The following WBP11 variants were observed in gnomAD, a reference collection of about 807,000 sequenced individuals.
WBP11 encodes the protein WW domain binding protein 11.
A neutral mutation model predicts 66.7 loss-of-function variants in WBP11; 12 were observed. That is an observed-to-expected ratio of 0.18 (90% confidence interval 0.12 to 0.29). The LOEUF (loss-of-function observed/expected upper bound fraction) is 0.29, where lower values mean the gene tolerates loss of function less well. Ranked by LOEUF, WBP11 falls within the 10% of genes least tolerant of loss-of-function variation. The pLI is 1.00. For missense variants in WBP11, 555 were observed against 818.3 expected (o/e 0.68, Z 3.93); for synonymous variants, 255 against 273.8 (o/e 0.93, Z 0.68).
Position 14,787,515 on chromosome 12 carries a change from G to C in WBP11, c.1493-17C>G, listed in dbSNP as rs779800983. On this transcript the variant is annotated splice_polypyrimidine_tract_variant and intron_variant, in intron 11 of 11. Transcript: ENST00000261167. ...GAGGAATACCTAAATGAATAAAATA[G>C]GCAAGATGAATACTGTAAGAACTAA... is the stretch of plus-strand genomic sequence containing the variant. 2.8e-5 allele frequency: 42 copies of C among 1,485,526 alleles called. No homozygotes were observed. The highest frequency in any genetic ancestry group is 3.7e-5 in the Non-Finnish European group (41 of 1,115,208). The allele number at this position is 1,485,526 out of a possible 1,614,324, so 92.0% of individuals were successfully genotyped here.
intron 7 of WBP11, 107 bp downstream of exon 7, chr12:14,794,430 A>G: frequency 8.2e-7 from 1 of 1,218,578 alleles, no homozygotes; most frequent in East Asian, 2.3e-5. Flanking sequence ...TATGTACATG[A>G]TACCCTCTCA....
rs186538957 is a variant in WBP11, at chr12:14,788,700, A to G, written c.1492+251T>C. ...AGATGCATGAAACGGCTTCGTAACT[A>G]CAACTAAAACCAAAAAATTATCAAA... On this transcript the variant is annotated intron_variant, in intron 11 of 11. Coordinates refer to ENST00000261167, the MANE Select transcript of WBP11 (RefSeq NM_016312.3). 5.1e-3 allele frequency among the ~76,000 whole-genome samples: 781 copies of G among 152,358 alleles called. 8 individuals carry two copies. The highest frequency in any genetic ancestry group is 8.4e-3 in the Non-Finnish European group (572 of 68,036).
chr12:14,799,611 A>G, intron 4 of WBP11, 24 bp downstream of exon 4: 1 of 1,608,180 alleles, frequency 6.2e-7, no homozygotes, highest in Non-Finnish European at 8.5e-7. Context: ...AGACTGTTAT[A>G]GCTGCCTGTT....
At chr12:14,800,669 G>T in intron 3 of WBP11, 83 bp downstream of exon 3, 1 of 1,253,092 alleles carries the variant, frequency 8.0e-7, no homozygotes. Flanking sequence ...TATTAGAAAT[G>T]TTATTCTGAA....
chr12:14,800,770 C>T lies in WBP11; in HGVS notation c.78G>A (p.Arg26=), dbSNP rs1949953178. ...NPTDQARKEA[R]KRELKKNKKQ... ...ATCATACCTTCTTTAATTCTCTCTT[C>T]CGGGCTTCCTTTCCTTTAAAAGGAG... Residue 26 remains arginine (R), a synonymous_variant, in exon 3 of 12, where the codon CGG becomes CGA. Transcript: ENST00000261167. 1.9e-6 allele frequency: 3 copies of T among 1,606,472 alleles called. No individual in the cohort carries two copies. Among genetic ancestry groups the T allele is most frequent in the South Asian group, 1.1e-5 (1 of 90,194 alleles).
intron 8 of WBP11, among the ~76,000 whole-genome samples, chr12:14,792,275 A>T (rs894096026): frequency 5.6e-5 from 6 of 106,556 alleles, no homozygotes; most frequent in Admixed American, 2.5e-4. Context: ...ATTTATGATT[A>T]AAAAAAACCT....
intron 1 of WBP11, among the ~76,000 whole-genome samples, chr12:14,802,690 G>C (rs908889510): frequency 1.1e-4 from 17 of 151,230 alleles, no homozygotes; most frequent in Non-Finnish European, 2.2e-4. Flanking sequence ...GAAAAACTGG[G>C]GATGGGGGGG....
In WBP11 at chr12:14,796,843, C is replaced by G. The variant is rs1949900070; in HGVS notation, c.351G>C (p.Lys117Asn). 1 of 1,608,124 alleles carries G rather than the reference C, an allele frequency of 6.2e-7. No homozygotes were observed. ...LRKLEVEYEQ[K>N]RAQLSQYFDA... ...CAAAATATTGGCTAAGTTGAGCCCT[C>G]TTCTGTTCATATTCTACTTCTAGCT... The change falls in exon 5 of 12, where the codon AAG (lysine) becomes AAC (asparagine). Residue 117 changes from lysine (K) to asparagine (N), a missense_variant. Lys to Asn is a moderately conservative substitution (Grantham distance 94). Coordinates refer to ENST00000261167, the MANE Select transcript of WBP11 (RefSeq NM_016312.3). The surrounding 1 kb of genome is among the most constrained non-coding windows in gnomAD (Gnocchi z 4.5).
chr12:14,787,227 C>G lies in WBP11; in HGVS notation c.1764G>C (p.Glu588Asp). Residue 588 changes from glutamate to aspartate, a missense_variant, in exon 12 of 12, where the codon GAG (glutamate) becomes GAC (aspartate). By Grantham distance (45) the Glu-to-Asp change is conservative. This residue lies in a region of WBP11 where 50 missense variants were observed against 68.3 expected (regional missense o/e 0.73). Coordinates refer to ENST00000261167, the MANE Select transcript of WBP11 (RefSeq NM_016312.3). ...GGGGAGCAGCAGTAGCCCCTTTATT[C>G]TCCCGACGTACTCTCAGTGCAGTGG... ...FVPTALRVRR[E>D]NKGATAAPQR... The G allele has an allele frequency of 6.2e-7, 1 of 1,614,190 alleles. No homozygotes were observed. The highest frequency in any genetic ancestry group is 1.3e-5 in the African/African-American group (1 of 75,032).
rs764811732 is a variant in WBP11, at chr12:14,790,481, T to G, written c.1284A>C (p.Thr428=). The part of the protein sequence containing the change: ...APPLRPPGPP[T]GLPPGPPPGA... Reference sequence around the variant, plus strand: ...CTGGAGGTGGACCAGGAGGAAGGCCTGTAGGTGGCCCAGGAGGCCGTAATG... The same window carrying G: ...CTGGAGGTGGACCAGGAGGAAGGCCGGTAGGTGGCCCAGGAGGCCGTAATG... The change falls in exon 10 of 12, where the codon ACA becomes ACC. Residue 428 remains threonine (T), a synonymous_variant. Transcript: ENST00000261167. 6.2e-7 allele frequency: 1 copy of G among 1,613,922 alleles called. No homozygotes were observed. The highest frequency in any genetic ancestry group is 1.1e-5 in the South Asian group (1 of 91,072).
At chr12:14,787,576 G>A in intron 11 of WBP11, 78 bp from the exon 12 acceptor site, 3 of 1,292,370 alleles carry the variant, frequency 2.3e-6, no homozygotes, top group African/African-American at 1.5e-5. Context: ...TTTAAATATT[G>A]GTTGCCAATT....
rs1949757885 is a variant in WBP11, at chr12:14,786,713, A to C, written c.*352T>G. On this transcript the variant is annotated 3_prime_UTR_variant, in exon 12 of 12. Transcript: ENST00000261167. Reference sequence around the variant, plus strand: ...AAATAAACTGTTTTTTTTTCTCCAGAAATCTCTACTCCAGTGCCCACAGCA... The same window carrying C: ...AAATAAACTGTTTTTTTTTCTCCAGCAATCTCTACTCCAGTGCCCACAGCA... The C allele has an allele frequency of 5.7e-6, 1 of 175,182 alleles. No individual in the cohort carries two copies. The highest frequency in any genetic ancestry group is 6.1e-5 in the Admixed American group (1 of 16,286). 10.9% of individuals were successfully genotyped at this position (175,182 alleles called of 1,614,324 possible).
chr12:14,784,595 A>T lies in WBP11; in HGVS notation c.*2470T>A, dbSNP rs761889270. 6.6e-5 allele frequency: 10 copies of T among 152,218 alleles called. No homozygotes were observed. The highest frequency in any genetic ancestry group is 1.5e-4 in the Non-Finnish European group (10 of 68,044). 9.4% of individuals were successfully genotyped at this position (152,218 alleles called of 1,614,324 possible). A position where few individuals can be genotyped will look rare whatever the true frequency, so the allele number is the denominator to read the frequency against. Reference sequence around the variant, plus strand: ...ACCCTTCCCAGCTATATATAAGGAGATATTTTAATCAAGAGCACAAACAAG... The same window carrying T: ...ACCCTTCCCAGCTATATATAAGGAGTTATTTTAATCAAGAGCACAAACAAG... On this transcript the variant is annotated 3_prime_UTR_variant, in exon 12 of 12. Coordinates refer to ENST00000261167, the MANE Select transcript of WBP11 (RefSeq NM_016312.3).
intron 11 of WBP11, among the ~76,000 whole-genome samples, chr12:14,788,493 C>T (rs1949781882): frequency 6.6e-6 from 1 of 151,330 alleles, no homozygotes; most frequent in South Asian, 2.1e-4. Flanking sequence ...GAAAAAAAGC[C>T]CCAGCTGGGG....
chr12:14,802,666 T>G (rs1247762641), intron 1 of WBP11, among the ~76,000 whole-genome samples: 3 of 131,102 alleles, frequency 2.3e-5, no homozygotes, highest in African/African-American at 2.9e-5. Flanking sequence ...CCCTGTCAAG[T>G]GGTTTCCTTC....
intron 7 of WBP11, 83 bp from the exon 8 acceptor site, chr12:14,794,005 T>A: frequency 1.0e-6 from 1 of 987,186 alleles, no homozygotes. Context: ...AAAATTATGC[T>A]ATTCAACTCA....
chr12:14,797,645 T>G (rs574251407), intron 4 of WBP11, among the ~76,000 whole-genome samples: 1 of 152,328 alleles, frequency 6.6e-6, no homozygotes, highest in South Asian at 2.1e-4. Flanking sequence ...ATCTTCCTTT[T>G]CAGTGAATGA....
intron 5 of WBP11, 21 bp from the exon 6 acceptor site, chr12:14,795,125 G>A: frequency 6.5e-7 from 1 of 1,545,678 alleles, no homozygotes; most frequent in Non-Finnish European, 8.7e-7. Flanking sequence ...GAACCATTCA[G>A]TAGTATGATA....
Position 14,785,264 on chromosome 12 carries a change from T to G in WBP11, c.*1801A>C, listed in dbSNP as rs887137031. Reference sequence around the variant, plus strand: ...CAGCCTGGGCAACAGAGTTAGAACCTGTCTCCATGGAAAAATGATAAAAAC... The same window carrying G: ...CAGCCTGGGCAACAGAGTTAGAACCGGTCTCCATGGAAAAATGATAAAAAC... On this transcript the variant is annotated 3_prime_UTR_variant, in exon 12 of 12. Coordinates refer to ENST00000261167, the MANE Select transcript of WBP11 (RefSeq NM_016312.3). 6.6e-6 allele frequency: 1 copy of G among 152,182 alleles called. No individual in the cohort carries two copies. The highest frequency in any genetic ancestry group is 1.5e-5 in the Non-Finnish European group (1 of 68,022). 9.4% of individuals were successfully genotyped at this position (152,182 alleles called of 1,614,324 possible).
Sources: gnomAD v4.1 joint callset for allele counts (sites outside exome capture counted in the v4.1 genomes callset) on GRCh38, gnomAD v4.1.1 for gene constraint, gnomAD v4.1.1 regional missense constraint, Gnocchi (gnomAD v3.1) non-coding constraint, MANE v1.5 for transcripts, NCBI Gene and HGNC (gene_info 2026-07-23, HGNC 2026-07-21) for gene names.